Variants in DPYSL3 observed in about 807,000 individuals in gnomAD.
The protein encoded by DPYSL3 is dihydropyrimidinase-related protein 3.
DPYSL3 carries 16 observed loss-of-function variants against 66.1 expected under a neutral mutation model. That is an observed-to-expected ratio of 0.24 (90% CI 0.16 to 0.37). The LOEUF is 0.37. Among genes scored for constraint, DPYSL3 ranks in the 10% least tolerant of loss-of-function variants. DPYSL3 has a pLI of 1.00. For synonymous variants in DPYSL3, 338 were observed against 345.1 expected, an observed-to-expected ratio of 0.98 and a Z score of 0.23; for missense variants, 738 against 916.2, an observed-to-expected ratio of 0.81 and a Z score of 2.51.
At chr5:147,496,726 C>T (rs1753517941) in intron 1 of DPYSL3, among the ~76,000 whole-genome samples, 3 of 151,824 alleles carry the variant, frequency 2.0e-5, no homozygotes, top group African/African-American at 7.2e-5. Flanking sequence ...GTTAGAATGG[C>T]GATCATTAAA....
intron 1 of DPYSL3, among the ~76,000 whole-genome samples, chr5:147,484,397 G>A (rs528904653): frequency 1.3e-5 from 2 of 152,270 alleles, no homozygotes; most frequent in Admixed American, 1.3e-4. Context: ...CAATATTACA[G>A]CTATTGTGGA....
In DPYSL3 at chr5:147,396,769, A is replaced by C. The variant is rs565138129; in HGVS notation, c.1803+897T>G. On this transcript the variant is annotated intron_variant, in intron 12 of 13. Transcript: ENST00000343218. ...GGAAGTCTCCTTCTCTATTAGGCCCAAACTGGAGTGTGGAGCTCAAATTCC... is the reference window on the plus strand; with the variant it reads ...GGAAGTCTCCTTCTCTATTAGGCCCCAACTGGAGTGTGGAGCTCAAATTCC... Among the ~76,000 whole-genome samples the C allele has an allele frequency of 1.7e-3, 260 of 152,076 alleles. 1 individual carries two copies. The highest frequency in any genetic ancestry group is 6.0e-3 in the African/African-American group (251 of 41,516).
chr5:147,488,142 C>A (rs1214676904), intron 1 of DPYSL3, among the ~76,000 whole-genome samples: 1 of 152,146 alleles, frequency 6.6e-6, no homozygotes, highest in Admixed American at 6.5e-5. Context: ...GAAAACAGCC[C>A]CTCCCTAGCC....
chr5:147,416,978 G>A (rs949905909), intron 3 of DPYSL3, among the ~76,000 whole-genome samples: 1 of 152,164 alleles, frequency 6.6e-6, no homozygotes, highest in Non-Finnish European at 1.5e-5. Flanking sequence ...CATATACTGT[G>A]ATCCTAGTTT....
intron 1 of DPYSL3, among the ~76,000 whole-genome samples, chr5:147,495,906 T>C (rs1381375897): frequency 1.3e-5 from 2 of 152,122 alleles, no homozygotes; most frequent in African/African-American, 4.8e-5. Flanking sequence ...TACTTTCAAG[T>C]TCATATGGAA....
intron 2 of DPYSL3, among the ~76,000 whole-genome samples, chr5:147,420,086 C>A (rs1752049490): frequency 6.6e-6 from 1 of 152,072 alleles, no homozygotes; most frequent in African/African-American, 2.4e-5. Flanking sequence ...CAGCTTCCAT[C>A]TTCCCTCCTT....
At chr5:147,414,679 G>C (rs1751925453) in intron 4 of DPYSL3, among the ~76,000 whole-genome samples, 1 of 152,194 alleles carries the variant, frequency 6.6e-6, no homozygotes, top group Non-Finnish European at 1.5e-5. Context: ...GAGATGCCCA[G>C]TATAAACGCA....
At chr5:147,450,202 T>C (rs1012219317) in intron 1 of DPYSL3, among the ~76,000 whole-genome samples, 2 of 152,110 alleles carry the variant, frequency 1.3e-5, no homozygotes, top group African/African-American at 4.8e-5. Context: ...TTTTAACTTG[T>C]AAAATAGGGG....
intron 1 of DPYSL3, among the ~76,000 whole-genome samples, chr5:147,426,774 G>A (rs1752206213): frequency 6.6e-6 from 1 of 152,142 alleles, no homozygotes; most frequent in Non-Finnish European, 1.5e-5. Context: ...GCCCCATCTG[G>A]GATACAGAAA....
chr5:147,428,641 A>G (rs1218437525), intron 1 of DPYSL3, among the ~76,000 whole-genome samples: 1 of 152,156 alleles, frequency 6.6e-6, no homozygotes, highest in African/African-American at 2.4e-5. Flanking sequence ...CAAACCCAAC[A>G]TCTCTGATTA....
intron 1 of DPYSL3, among the ~76,000 whole-genome samples, chr5:147,483,805 T>C (rs1253344582): frequency 6.6e-6 from 1 of 152,204 alleles, no homozygotes; most frequent in Non-Finnish European, 1.5e-5. Flanking sequence ...AAGAAGGAGT[T>C]AGAATAGCTC....
rs571600599 is a variant in DPYSL3, at chr5:147,415,160, T to C, written c.820+549A>G. ...GCAAACACACAGAAACATATATACATATACATGAACATGTTTTCACACCCT... is the reference window on the plus strand; with the variant it reads ...GCAAACACACAGAAACATATATACACATACATGAACATGTTTTCACACCCT... On this transcript the variant is annotated intron_variant, in intron 4 of 13. Coordinates refer to ENST00000343218, the MANE Select transcript of DPYSL3 (RefSeq NM_001197294.2). Among the ~76,000 whole-genome samples, 8 of 152,220 alleles carry C rather than the reference T, an allele frequency of 5.3e-5. No individual in the cohort carries two copies. The South Asian group carries it at 6.2e-4, about 12-fold the overall frequency.
rs145836662 is a variant in DPYSL3 at position 147,428,370 on chromosome 5, C to T, written c.382-3407G>A. Among the ~76,000 whole-genome samples, 601 of 152,154 alleles carry T rather than the reference C, an allele frequency of 3.9e-3. 2 individuals carry two copies. The highest frequency in any genetic ancestry group is 6.5e-3 in the Non-Finnish European group (440 of 68,012). ...GTCTTCAGCTTGCCCTGCTATCCTC[C>T]CCAATTTTAACTCTTTCCATGGAAG... On this transcript the variant is annotated intron_variant, in intron 1 of 13. Transcript: ENST00000343218.
intron 1 of DPYSL3, among the ~76,000 whole-genome samples, chr5:147,436,626 A>C (rs1752419028): frequency 6.6e-6 from 1 of 152,194 alleles, no homozygotes; most frequent in African/African-American, 2.4e-5. Context: ...GTACTTTATA[A>C]CTTTTAAAAG....
chr5:147,464,895 G>A (rs145660027), intron 1 of DPYSL3, among the ~76,000 whole-genome samples: 4 of 152,142 alleles, frequency 2.6e-5, no homozygotes, highest in African/African-American at 4.8e-5. Flanking sequence ...CTCCCTGAAC[G>A]TACACAGAGA....
At chr5:147,424,011 C>T (rs906968779) in intron 2 of DPYSL3, among the ~76,000 whole-genome samples, 35 of 152,258 alleles carry the variant, frequency 2.3e-4, no homozygotes, top group African/African-American at 7.9e-4. Flanking sequence ...TAATTACAGC[C>T]GCCATGCCCG....
At chr5:147,504,964 T>C (rs1753663264) in intron 1 of DPYSL3, among the ~76,000 whole-genome samples, 1 of 152,252 alleles carries the variant, frequency 6.6e-6, no homozygotes, top group Admixed American at 6.5e-5. Flanking sequence ...GAAAATTCAG[T>C]GTGCATGGAA....
At chr5:147,397,020 T>A (rs1210188065) in intron 12 of DPYSL3, among the ~76,000 whole-genome samples, 1 of 113,284 alleles carries the variant, frequency 8.8e-6, no homozygotes, top group Admixed American at 9.4e-5. Flanking sequence ...TATAAATATA[T>A]AAATGTTTAT....
At chr5:147,502,435 G>A (rs1188345400) in intron 1 of DPYSL3, among the ~76,000 whole-genome samples, 7 of 151,586 alleles carry the variant, frequency 4.6e-5, no homozygotes, top group Admixed American at 4.6e-4. Context: ...TACACTCCTA[G>A]GTTAATGGCA....
Sources: allele counts gnomAD v4.1 joint callset (sites outside exome capture counted in the v4.1 genomes callset), GRCh38; gene constraint gnomAD v4.1.1; transcripts MANE v1.5; gene names NCBI Gene and HGNC (gene_info 2026-07-23, HGNC 2026-07-21).